GASK1A: variants seen among roughly 807,000 people sequenced by gnomAD.
GASK1A encodes golgi associated kinase 1A.
In GASK1A, 40 loss-of-function variants were observed where a neutral mutation model predicts 41.2. The ratio of observed to expected loss-of-function variants is 0.97; its 90% CI spans 0.75 to 1.27. The LOEUF is 1.27. GASK1A is among the 50% of genes most tolerant of loss of function. The pLI, the probability that GASK1A is intolerant of heterozygous loss-of-function variation, is 0.00. For synonymous variants in GASK1A, 316 were observed against 307.1 expected (o/e 1.03, Z -0.30); for missense variants, 678 against 745.1 (o/e 0.91, Z 1.05).
chr3:43,001,670 G>C (rs903412949), intron 1 of GASK1A, among the ~76,000 whole-genome samples: 2 of 152,196 alleles, frequency 1.3e-5, no homozygotes, highest in African/African-American at 4.8e-5. Context: ...TTTTCCAGGA[G>C]CCTCAGTGAG....
intron 2 of GASK1A, among the ~76,000 whole-genome samples, chr3:43,034,051 A>G (rs894313774): frequency 1.2e-4 from 18 of 152,204 alleles, no homozygotes; most frequent in African/African-American, 4.3e-4. Context: ...GAAAGCAGCA[A>G]ATGCTACAAA....
Position 43,056,372 on chromosome 3 carries a change from G to A in GASK1A, c.1714G>A (p.Asp572Asn). The A allele has an allele frequency of 1.3e-6, 2 of 1,546,490 alleles. No homozygotes were observed. Among genetic ancestry groups the A allele is most frequent in the South Asian group, 2.4e-5 (2 of 83,690 alleles). The change falls in exon 5 of 5, where the codon GAC (aspartate) becomes AAC (asparagine). Residue 572 changes from aspartate to asparagine, a missense_variant. Asp to Asn is a conservative substitution (Grantham distance 23, BLOSUM62 1). Coordinates refer to ENST00000430121, the MANE Select transcript of GASK1A (RefSeq NM_001129908.3). ...IQKHNLTLFR[D>N]EDP ...AAAGCACAACCTCACACTCTTCAGG[G>A]ACGAGGACCCATAAGCCGCACACAG...
chr3:43,006,218 G>A (rs1309755533), intron 1 of GASK1A, among the ~76,000 whole-genome samples: 1 of 152,140 alleles, frequency 6.6e-6, no homozygotes, highest in Admixed American at 6.5e-5. Flanking sequence ...TTCTTGGTCG[G>A]TGCACAGCCG....
rs71072750 is a variant in GASK1A at position 42,987,998 on chromosome 3, C to CAAAAA, written c.3+8360_3+8364dup. On this transcript the variant is annotated intron_variant, in intron 1 of 4. Transcript: ENST00000430121. ...TCGGCGACAGAGCGAGACTCTAGCT[C>CAAAAA]AAAAAAAAAAAGGGATGGGGGTAGG... Among the ~76,000 whole-genome samples the CAAAAA allele has an allele frequency of 1.0e-4, 7 of 68,450 alleles. 1 individual carries two copies. The East Asian group carries it at 2.6e-3, about 25-fold the overall frequency. 44.9% of individuals were successfully genotyped at this position (68,450 alleles called of 152,430 possible).
intron 1 of GASK1A, among the ~76,000 whole-genome samples, chr3:43,007,997 T>A (rs1559399599): frequency 6.6e-6 from 1 of 152,172 alleles, no homozygotes; most frequent in Non-Finnish European, 1.5e-5. Context: ...CTTGCTTGCT[T>A]GCTTGGAGAA....
At chr3:43,017,490 A>C (rs1257246724) in intron 1 of GASK1A, among the ~76,000 whole-genome samples, 1 of 149,554 alleles carries the variant, frequency 6.7e-6, no homozygotes, top group Non-Finnish European at 1.5e-5. Flanking sequence ...GTGGGGTCAC[A>C]GGGGCTGTGT....
At chr3:43,006,532 C>G (rs765685971) in intron 1 of GASK1A, among the ~76,000 whole-genome samples, 6 of 152,126 alleles carry the variant, frequency 3.9e-5, no homozygotes, top group African/African-American at 1.4e-4. Context: ...GCTCTAGCCT[C>G]GGGTATTGTA....
chr3:43,030,195 C>CA (rs1217962164), intron 1 of GASK1A, among the ~76,000 whole-genome samples: 2 of 152,198 alleles, frequency 1.3e-5, no homozygotes, highest in African/African-American at 4.8e-5. Context: ...TTAGTAGAGA[C>CA]AAAGTTTCGC....
intron 1 of GASK1A, among the ~76,000 whole-genome samples, chr3:42,988,351 C>A (rs1259098357): frequency 6.6e-6 from 1 of 152,220 alleles, no homozygotes; most frequent in Non-Finnish European, 1.5e-5. Flanking sequence ...CAGCCTCTTC[C>A]AGAACCAGCT....
chr3:43,052,721 C>T (rs1342663622), intron 2 of GASK1A, among the ~76,000 whole-genome samples: 2 of 152,198 alleles, frequency 1.3e-5, no homozygotes, highest in Non-Finnish European at 2.9e-5. Context: ...TAACCATCCT[C>T]AGAGGACTCT....
At chr3:43,052,969 A>G (rs1182795573) in intron 2 of GASK1A, among the ~76,000 whole-genome samples, 2 of 152,164 alleles carry the variant, frequency 1.3e-5, no homozygotes, top group Non-Finnish European at 2.9e-5. Context: ...GTATGTGTCT[A>G]TTCAGGGGAA....
intron 1 of GASK1A, among the ~76,000 whole-genome samples, chr3:42,998,153 T>C (rs1322958582): frequency 6.6e-6 from 1 of 152,092 alleles, no homozygotes; most frequent in Non-Finnish European, 1.5e-5. Context: ...ACACTGATTG[T>C]GATGAGTTCC....
chr3:42,992,385 A>G (rs561395275), intron 1 of GASK1A, among the ~76,000 whole-genome samples: 2 of 152,310 alleles, frequency 1.3e-5, no homozygotes, highest in East Asian at 3.9e-4. Flanking sequence ...CCTTGTGGGA[A>G]TGTATGCTCA....
Position 43,032,893 on chromosome 3 carries a change from C to T in GASK1A, c.630C>T (p.Ala210=). ...ATCTGCTGGGAGCTGAGAACAGAGC[C>T]TTGACTGGTGGGCAACAAGCAGAGG... is the stretch of plus-strand genomic sequence containing the variant. The part of the protein sequence containing the change: ...GRDLLGAENR[A]LTGGQQAEDP... Residue 210 remains alanine (A), a synonymous_variant, in exon 2 of 5, where the codon GCC becomes GCT. Coordinates refer to ENST00000430121, the MANE Select transcript of GASK1A (RefSeq NM_001129908.3). 1 of 1,551,190 alleles carries T rather than the reference C, an allele frequency of 6.4e-7. No homozygotes were observed. The highest frequency in any genetic ancestry group is 8.7e-7 in the Non-Finnish European group (1 of 1,146,996).
intron 1 of GASK1A, among the ~76,000 whole-genome samples, chr3:43,009,400 C>T (rs1027552121): frequency 1.3e-5 from 2 of 152,168 alleles, no homozygotes; most frequent in African/African-American, 2.4e-5. Context: ...GTTATCTGGG[C>T]GCATTGAAAA....
intron 1 of GASK1A, among the ~76,000 whole-genome samples, chr3:43,009,053 A>G (rs186894635): frequency 2.6e-5 from 4 of 152,328 alleles, no homozygotes; most frequent in African/African-American, 7.2e-5. Flanking sequence ...TCAGCACTTT[A>G]TATACATTAA....
At chr3:43,027,482 A>C (rs1025041813) in intron 1 of GASK1A, among the ~76,000 whole-genome samples, 12 of 152,224 alleles carry the variant, frequency 7.9e-5, no homozygotes, top group African/African-American at 2.7e-4. Flanking sequence ...AGAAATATAT[A>C]GAAATGTAAA....
rs539812916 is a variant in GASK1A at position 43,014,208 on chromosome 3, G to T, written c.4-18059G>T. Among the ~76,000 whole-genome samples the T allele has an allele frequency of 2.3e-3, 353 of 151,952 alleles. 3 individuals carry two copies. Among genetic ancestry groups the T allele is most frequent in the African/African-American group, 8.2e-3 (337 of 41,318 alleles). ...GGGGCTGTGTGAAGTCACAGGTAGGGACAGGGGGTAGTCACAGGAAGGTGC... is the reference window on the plus strand; with the variant it reads ...GGGGCTGTGTGAAGTCACAGGTAGGTACAGGGGGTAGTCACAGGAAGGTGC... On this transcript the variant is annotated intron_variant, in intron 1 of 4. Coordinates refer to ENST00000430121, the MANE Select transcript of GASK1A (RefSeq NM_001129908.3).
At position 43,032,320 on chromosome 3, in the gene GASK1A, C is replaced by T. The variant is rs1418774747; in HGVS notation, c.57C>T (p.Phe19=). 1 of 1,548,998 alleles carries T rather than the reference C, an allele frequency of 6.5e-7. No individual in the cohort carries two copies. The highest frequency in any genetic ancestry group is 2.4e-5 in the East Asian group (1 of 40,820). ...LRGKRRPVIA[F]CLLMILSAMA... ...GCAAGAGGCGGCCAGTGATAGCGTTCTGCCTCTTGATGATCCTATCTGCGA... is the reference window on the plus strand; with the variant it reads ...GCAAGAGGCGGCCAGTGATAGCGTTTTGCCTCTTGATGATCCTATCTGCGA... The change falls in exon 2 of 5, where the codon TTC becomes TTT. Residue 19 remains phenylalanine, a synonymous_variant. Coordinates refer to ENST00000430121, the MANE Select transcript of GASK1A (RefSeq NM_001129908.3).
Sources: gnomAD v4.1 joint callset for allele counts (sites outside exome capture counted in the v4.1 genomes callset) on GRCh38, gnomAD v4.1.1 for gene constraint, MANE v1.5 for transcripts, NCBI Gene and HGNC (gene_info 2026-07-23, HGNC 2026-07-21) for gene names.